KIF4A: variants seen among roughly 807,000 people sequenced by gnomAD.
KIF4A encodes the protein kinesin family member 4A, also known as chromosome-associated kinesin KIF4A.
A neutral mutation model predicts 105.9 loss-of-function variants in KIF4A; 7 were observed. The observed-to-expected ratio is 0.07, with a 90% CI of 0.04 to 0.12. The LOEUF is 0.12. KIF4A is among the 10% of genes least tolerant of loss of function. The pLI, the probability that KIF4A is intolerant of heterozygous loss-of-function variation, is 1.00. For synonymous variants in KIF4A, 281 were observed against 331.3 expected (o/e 0.85, Z 1.65); for missense variants, 558 against 929.2 (o/e 0.60, Z 5.19).
chrX:70,299,993 G>A (rs756080101), intron 5 of KIF4A, among the ~76,000 whole-genome samples: 3 of 111,526 alleles, frequency 2.7e-5, no homozygotes, highest in South Asian at 7.6e-4. Flanking sequence ...GGCAGAGCTT[G>A]AGTATTCAGG....
At chrX:70,336,423 G>T (rs2085950835) in intron 10 of KIF4A, among the ~76,000 whole-genome samples, 1 of 111,581 alleles carries the variant, frequency 9.0e-6, no homozygotes, top group African/African-American at 3.3e-5. Context: ...CCTTTATAAG[G>T]TATTGCCATA....
chrX:70,299,608 T>C (rs1353416575), intron 5 of KIF4A, among the ~76,000 whole-genome samples: 2 of 111,658 alleles, frequency 1.8e-5, no homozygotes, highest in African/African-American at 3.3e-5. Flanking sequence ...TACATATGGC[T>C]AGTGGTAACC....
chrX:70,385,879 T>C (rs1225267300), intron 18 of KIF4A, among the ~76,000 whole-genome samples: 1 of 111,697 alleles, frequency 9.0e-6, no homozygotes, highest in Non-Finnish European at 1.9e-5. Context: ...ATTTTTATTT[T>C]AGATTCAGTG....
At chrX:70,365,726 A>C (rs781410442) in intron 15 of KIF4A, among the ~76,000 whole-genome samples, 31 of 111,328 alleles carry the variant, frequency 2.8e-4, no homozygotes, top group African/African-American at 9.5e-4. Context: ...TGTCTCTGTC[A>C]GGCTTTGGTA....
intron 10 of KIF4A, among the ~76,000 whole-genome samples, chrX:70,336,535 T>C (rs936557008): frequency 8.9e-6 from 1 of 111,776 alleles, no homozygotes; most frequent in African/African-American, 3.3e-5. Flanking sequence ...GTCATACTTT[T>C]TCAATTTTTG....
chrX:70,313,085 A>G (rs1231159890), intron 7 of KIF4A, among the ~76,000 whole-genome samples: 1 of 111,267 alleles, frequency 9.0e-6, no homozygotes, highest in Non-Finnish European at 1.9e-5. Context: ...TCAGATCCTC[A>G]TGTTCTTTTT....
chrX:70,371,058 C>A (rs2086129736), intron 15 of KIF4A, among the ~76,000 whole-genome samples: 1 of 109,976 alleles, frequency 9.1e-6, no homozygotes, highest in Non-Finnish European at 1.9e-5. Flanking sequence ...CTGATATAGC[C>A]CCACCTAATC....
intron 7 of KIF4A, among the ~76,000 whole-genome samples, chrX:70,328,777 G>A (rs2085919798): frequency 8.9e-6 from 1 of 112,018 alleles, no homozygotes. Context: ...AATTGCTTCA[G>A]CAGAACTTCA....
intron 17 of KIF4A, 42 bp downstream of exon 17, chrX:70,375,390 A>G (rs2086171044): frequency 8.6e-7 from 1 of 1,160,745 alleles, no homozygotes; most frequent in Non-Finnish European, 1.2e-6. Flanking sequence ...ATTGGAATTT[A>G]CAAACATAGG....
intron 28 of KIF4A, among the ~76,000 whole-genome samples, chrX:70,409,436 A>C (rs1342417038): frequency 2.7e-5 from 3 of 111,965 alleles, no homozygotes; most frequent in Non-Finnish European, 5.6e-5. Context: ...GTTGAAGTAG[A>C]GAGCATGAGC....
At chrX:70,342,615 G>T (rs1415266705) in intron 11 of KIF4A, among the ~76,000 whole-genome samples, 1 of 112,226 alleles carries the variant, frequency 8.9e-6, no homozygotes, top group African/African-American at 3.2e-5. Flanking sequence ...TTGAACCTCT[G>T]TAATGTATAC....
intron 18 of KIF4A, among the ~76,000 whole-genome samples, chrX:70,378,526 C>T (rs993712349): frequency 8.3e-5 from 9 of 108,783 alleles, no homozygotes; most frequent in Non-Finnish European, 7.6e-5. Context: ...GTCGGGAGTT[C>T]GAGACCAGCC....
intron 7 of KIF4A, among the ~76,000 whole-genome samples, chrX:70,313,526 C>T (rs1054297566): frequency 1.8e-5 from 2 of 112,052 alleles, no homozygotes; most frequent in African/African-American, 6.5e-5. Context: ...TGGTCCTACT[C>T]CTGCTCCTGT....
At chrX:70,393,856 TCTTTCTTTC>T (rs2086248461) in intron 20 of KIF4A, among the ~76,000 whole-genome samples, 2 of 7,658 alleles carry the variant, frequency 2.6e-4, no homozygotes, top group African/African-American at 3.3e-4. Context: ...TTTCTTTCTT[TCTTTCTTTC>T]TTTCTTTTTT....
At chrX:70,366,157 T>C (rs1276487441) in intron 15 of KIF4A, among the ~76,000 whole-genome samples, 3 of 111,802 alleles carry the variant, frequency 2.7e-5, no homozygotes, top group Non-Finnish European at 5.6e-5. Flanking sequence ...TTATTAGTCT[T>C]GCTAGCGGTC....
chrX:70,375,787 G>A (rs758155550), intron 17 of KIF4A, among the ~76,000 whole-genome samples: 12 of 112,159 alleles, frequency 1.1e-4, no homozygotes, highest in African/African-American at 3.9e-4. Context: ...TGGTTACTAG[G>A]TGGATTTGTC....
chrX:70,330,050 T>C, intron 8 of KIF4A, 107 bp from the exon 9 acceptor site: 1 of 624,470 alleles, frequency 1.6e-6, no homozygotes, highest in Non-Finnish European at 2.4e-6. Context: ...TAAGAACTTT[T>C]TCTTATAGCT....
At chrX:70,400,174 T>A (rs1160041281) in intron 22 of KIF4A, among the ~76,000 whole-genome samples, 1 of 103,748 alleles carries the variant, frequency 9.6e-6, no homozygotes, top group African/African-American at 3.5e-5. Context: ...CCTCCCCCCT[T>A]CCCCCACCCC....
At chrX:70,300,687 G>T (rs2085801186) in intron 5 of KIF4A, among the ~76,000 whole-genome samples, 1 of 111,605 alleles carries the variant, frequency 9.0e-6, no homozygotes, top group Non-Finnish European at 1.9e-5. Flanking sequence ...TATAAACTAT[G>T]TAAAACTTCT....
Sources: allele counts gnomAD v4.1 joint callset (sites outside exome capture counted in the v4.1 genomes callset), GRCh38; gene constraint gnomAD v4.1.1; transcripts MANE v1.5; gene names NCBI Gene and HGNC (gene_info 2026-07-23, HGNC 2026-07-21).